Variants in RBM6 observed in about 807,000 individuals in gnomAD.
RBM6 encodes RNA-binding protein 6.
In RBM6, 23 loss-of-function variants were observed where a neutral mutation model predicts 140.4. The observed-to-expected ratio is 0.16, with a 90% CI of 0.12 to 0.23. The LOEUF is 0.23. Ranked by LOEUF, RBM6 falls within the 10% of genes least tolerant of loss-of-function variation. The pLI is 1.00. For missense variants in RBM6, 1,139 were observed against 1,386.7 expected (o/e 0.82, Z 2.84); for synonymous variants, 439 against 475.6 (o/e 0.92, Z 1.00).
chr3:49,976,544 A>G (rs2085070858), intron 5 of RBM6, among the ~76,000 whole-genome samples: 2 of 152,184 alleles, frequency 1.3e-5, no homozygotes. Context: ...TTTTTTGCAT[A>G]TGCCTTATAC....
intron 6 of RBM6, among the ~76,000 whole-genome samples, chr3:50,008,107 C>T (rs944867911): frequency 6.6e-6 from 1 of 152,156 alleles, no homozygotes; most frequent in Admixed American, 6.6e-5. Context: ...CAAAGCAAAA[C>T]ACCCTAAGCT....
intron 5 of RBM6, among the ~76,000 whole-genome samples, chr3:49,978,744 A>C (rs1223684660): frequency 1.3e-5 from 2 of 152,210 alleles, no homozygotes; most frequent in Non-Finnish European, 2.9e-5. Context: ...GATTTGCCTC[A>C]AAATGAGTTT....
At chr3:49,945,700 G>A (rs2083456011) in intron 1 of RBM6, among the ~76,000 whole-genome samples, 1 of 151,626 alleles carries the variant, frequency 6.6e-6, no homozygotes, top group Non-Finnish European at 1.5e-5. Flanking sequence ...GGCCAACACG[G>A]TGAAACCCCG....
At chr3:50,054,995 T>C (rs938369998) in intron 8 of RBM6, among the ~76,000 whole-genome samples, 8 of 152,174 alleles carry the variant, frequency 5.3e-5, no homozygotes, top group African/African-American at 1.7e-4. Flanking sequence ...AGCTAATTAT[T>C]TGTATTTTAG....
At chr3:50,070,372 A>T in intron 18 of RBM6, 83 bp from the exon 19 acceptor site, 1 of 972,584 alleles carries the variant, frequency 1.0e-6, no homozygotes, top group Non-Finnish European at 1.6e-6. Context: ...AAATAATAAT[A>T]ATAACAGCAA....
intron 5 of RBM6, among the ~76,000 whole-genome samples, chr3:49,996,267 C>T (rs931324633): frequency 2.6e-5 from 4 of 152,152 alleles, no homozygotes; most frequent in Admixed American, 6.5e-5. Flanking sequence ...TCTGTTGCAG[C>T]GCTGGAGGAA....
At chr3:49,989,337 G>A (rs916717793) in intron 5 of RBM6, among the ~76,000 whole-genome samples, 6 of 152,118 alleles carry the variant, frequency 3.9e-5, no homozygotes, top group African/African-American at 1.4e-4. Flanking sequence ...CACTTTGGGA[G>A]GCCGAGGCGG....
chr3:50,073,057 A>G (rs2090353940), intron 19 of RBM6, among the ~76,000 whole-genome samples: 1 of 152,032 alleles, frequency 6.6e-6, no homozygotes, highest in Non-Finnish European at 1.5e-5. Context: ...GGCCTCAACC[A>G]CCACCACAGT....
chr3:50,057,301 T>C (rs1231972053), intron 8 of RBM6, among the ~76,000 whole-genome samples: 1 of 152,116 alleles, frequency 6.6e-6, no homozygotes, highest in African/African-American at 2.4e-5. Flanking sequence ...TTAAAAGCAT[T>C]CCAGGCCGGG....
chr3:49,945,508 A>G (rs1018327128), intron 1 of RBM6, among the ~76,000 whole-genome samples: 1 of 152,020 alleles, frequency 6.6e-6, no homozygotes, highest in African/African-American at 2.4e-5. Context: ...TCCCCCTGAA[A>G]ATTCACGTGT....
At chr3:49,943,649 TC>T (rs1233899145) in intron 1 of RBM6, among the ~76,000 whole-genome samples, 3 of 152,124 alleles carry the variant, frequency 2.0e-5, no homozygotes, top group African/African-American at 7.2e-5. Flanking sequence ...AGACAGGGTC[TC>T]CCTATGTTGC....
intron 16 of RBM6, 116 bp from the exon 17 acceptor site, chr3:50,066,126 T>G: frequency 2.6e-6 from 3 of 1,147,678 alleles, no homozygotes; most frequent in Non-Finnish European, 3.6e-6. Flanking sequence ...GCATGGCTAG[T>G]GAGTTTATTT....
At chr3:50,056,232 T>C (rs1232689737) in intron 8 of RBM6, among the ~76,000 whole-genome samples, 2 of 151,998 alleles carry the variant, frequency 1.3e-5, no homozygotes, top group African/African-American at 4.8e-5. Flanking sequence ...TGTGTTTTTT[T>C]CCCCCCACAA....
At chr3:50,040,660 C>CTT (rs746163790) in intron 6 of RBM6, among the ~76,000 whole-genome samples, 2 of 135,794 alleles carry the variant, frequency 1.5e-5, no homozygotes, top group South Asian at 2.3e-4. Context: ...GAGCAGAATT[C>CTT]TTTTTTTTTT....
At chr3:50,051,325 G>C (rs1027616032) in intron 7 of RBM6, among the ~76,000 whole-genome samples, 1 of 152,180 alleles carries the variant, frequency 6.6e-6, no homozygotes, top group Non-Finnish European at 1.5e-5. Context: ...TCCATCCTGG[G>C]TGACAGAGCA....
chr3:50,048,318 G>A lies in RBM6; in HGVS notation c.1631G>A (p.Arg544Gln), dbSNP rs768599973. The A allele has an allele frequency of 1.9e-6, 3 of 1,611,646 alleles. No individual in the cohort carries two copies. The highest frequency in any genetic ancestry group is 1.7e-5 in the Admixed American group (1 of 59,712). Residue 544 changes from arginine (R) to glutamine (Q), a missense_variant and splice_region_variant, in exon 7 of 21, where the codon CGA (arginine) becomes CAA (glutamine). Transcript: ENST00000266022. ...AGCCTGGATTTTTGGTACTGCAAACGAGTAAGTACCAAGAATCCCTTTCTT... is the reference window on the plus strand; with the variant it reads ...AGCCTGGATTTTTGGTACTGCAAACAAGTAAGTACCAAGAATCCCTTTCTT... The part of the protein sequence containing the change: ...VSSLDFWYCK[R>Q]CKANIGGHRS...
intron 17 of RBM6, 95 bp from the exon 18 acceptor site, chr3:50,068,595 C>T: frequency 1.8e-6 from 2 of 1,117,906 alleles, no homozygotes; most frequent in Non-Finnish European, 2.6e-6. Flanking sequence ...ATCAAAAGAG[C>T]TACAATCCAA....
intron 3 of RBM6, among the ~76,000 whole-genome samples, chr3:49,970,488 G>C (rs192007344): frequency 6.6e-6 from 1 of 152,206 alleles, no homozygotes; most frequent in African/African-American, 2.4e-5. Context: ...TGCAACTCTC[G>C]CTTAGTTAGA....
intron 7 of RBM6, among the ~76,000 whole-genome samples, chr3:50,052,838 C>T (rs561222963): frequency 7.9e-5 from 12 of 152,236 alleles, no homozygotes; most frequent in African/African-American, 2.9e-4. Context: ...GCAGTGGCTC[C>T]TAAGGCTTCT....
Sources: gnomAD v4.1 joint callset for allele counts (sites outside exome capture counted in the v4.1 genomes callset) on GRCh38, gnomAD v4.1.1 for gene constraint, MANE v1.5 for transcripts, NCBI Gene and HGNC (gene_info 2026-07-23, HGNC 2026-07-21) for gene names.